The following SLC39A3 variants were observed in gnomAD, a reference collection of about 807,000 sequenced individuals.
SLC39A3 encodes the protein solute carrier family 39 member 3.
SLC39A3 carries 3 observed loss-of-function variants against 5.1 expected under a neutral mutation model. The observed-to-expected ratio is 0.59, with a 90% CI of 0.27 to 1.54. SLC39A3 has a LOEUF of 1.54. Among genes scored for constraint, SLC39A3 ranks in the 40% most tolerant of loss-of-function variants. The pLI, the probability that SLC39A3 is intolerant of heterozygous loss-of-function variation, is 0.12. For missense variants in SLC39A3, 412 were observed against 436.4 expected (o/e 0.94, Z 0.50); for synonymous variants, 250 against 218.8 (o/e 1.14, Z -1.26).
In SLC39A3 at chr19:2,735,250, C is replaced by T. The variant is rs1914324170; in HGVS notation, c.211-1765G>A. On this transcript the variant is annotated intron_variant, in intron 2 of 2. Transcript: ENST00000269740. The surrounding 1 kb of genome is among the most constrained non-coding windows in gnomAD (Gnocchi z 5.7). ...CGCAGTGCAGATGTCAGTCTTCACA[C>T]ACCGCGTAACGAACGAATGCAGACT... 1.0e-6 allele frequency: 1 copy of T among 982,918 alleles called. No homozygotes were observed. The highest frequency in any genetic ancestry group is 4.7e-5 in the South Asian group (1 of 21,252). The allele number at this position is 982,918 out of a possible 1,614,324, so 60.9% of individuals were successfully genotyped here.
chr19:2,739,757 C>T (rs1047941365), intron 1 of SLC39A3, among the ~76,000 whole-genome samples, 188 bp downstream of exon 1: 1 of 152,222 alleles, frequency 6.6e-6, no homozygotes, highest in African/African-American at 2.4e-5. Flanking sequence ...GGAGGCTGCT[C>T]GGGCCGGGAT....
rs541855668 is a variant in SLC39A3 at position 2,733,074 on chromosome 19, C to T, written c.622G>A (p.Glu208Lys). The change falls in exon 3 of 3, where the codon GAG becomes AAG. Residue 208 changes from glutamate to lysine, a missense_variant. Glu to Lys is a moderately conservative substitution (Grantham distance 56). Coordinates refer to ENST00000269740, the MANE Select transcript of SLC39A3 (RefSeq NM_144564.5). This position sits in a 1 kb window ranked among gnomAD's most constrained non-coding sequence, Gnocchi z 6.1. ...CCCAGGGCCACGGCCACCAGTGTCT[C>T]GTGGACGGCCACCCCCACGAACAGG... is the stretch of plus-strand genomic sequence containing the variant. Reference protein sequence around the residue: ...VSLFVGVAVHETLVAVALGIS... With the variant: ...VSLFVGVAVHKTLVAVALGIS... 9.0e-5 allele frequency: 145 copies of T among 1,610,476 alleles called. No individual in the cohort carries two copies. The highest frequency in any genetic ancestry group is 1.1e-4 in the Non-Finnish European group (133 of 1,178,836).
In SLC39A3 at chr19:2,733,960, C is replaced by T. The variant is rs1914276283; in HGVS notation, c.211-475G>A. Among the ~76,000 whole-genome samples, 1 of 152,200 alleles carries T rather than the reference C, an allele frequency of 6.6e-6. No homozygotes were observed. The highest frequency in any genetic ancestry group is 6.5e-5 in the Admixed American group (1 of 15,282). ...CGGCTCAAAATAAACACATAAAGAG[C>T]TGCACTGGCCTTGCGTGTTCTGCCG... On this transcript the variant is annotated intron_variant, in intron 2 of 2. Coordinates refer to ENST00000269740, the MANE Select transcript of SLC39A3 (RefSeq NM_144564.5). The surrounding 1 kb of genome is among the most constrained non-coding windows in gnomAD (Gnocchi z 6.1).
chr19:2,736,769 T>C, intron 2 of SLC39A3: 1 of 1,439,906 alleles, frequency 6.9e-7, no homozygotes, highest in South Asian at 1.5e-5. Context: ...GGACAGAGTG[T>C]GCCCTACCTA....
At chr19:2,738,199 C>CAAA (rs781639261) in intron 1 of SLC39A3, among the ~76,000 whole-genome samples, 6 of 50,890 alleles carry the variant, frequency 1.2e-4, no homozygotes, top group Non-Finnish European at 1.3e-4. Context: ...AACTCCATCT[C>CAAA]AAAAAAAAAA....
At chr19:2,737,422 C>CTTT in intron 1 of SLC39A3, 43 bp from the exon 2 acceptor site, 22 of 1,066,336 alleles carry the variant, frequency 2.1e-5, no homozygotes, top group Non-Finnish European at 2.5e-5. Flanking sequence ...TTTCTTTTTT[C>CTTT]TTTTTTTTTT....
chr19:2,735,837 C>T lies in SLC39A3; in HGVS notation c.210+1211G>A. On this transcript the variant is annotated intron_variant, in intron 2 of 2. Transcript: ENST00000269740. The surrounding 1 kb of genome is among the most constrained non-coding windows in gnomAD (Gnocchi z 5.7). ...CTGGAACTCTACTCTGCCACACTAA[C>T]AGGCTCAGATGATTTAATCCCAGAC... is the stretch of plus-strand genomic sequence containing the variant. The T allele has an allele frequency of 3.0e-6, 3 of 985,538 alleles. No individual in the cohort carries two copies. The highest frequency in any genetic ancestry group is 3.6e-6 in the Non-Finnish European group (3 of 830,028). 61.0% of individuals were successfully genotyped at this position (985,538 alleles called of 1,614,324 possible). A position where few individuals can be genotyped will look rare whatever the true frequency, so the allele number is the denominator to read the frequency against.
chr19:2,735,337 G>T lies in SLC39A3; in HGVS notation c.210+1711C>A. 1 of 420,632 alleles carries T rather than the reference G, an allele frequency of 2.4e-6. No individual in the cohort carries two copies. The highest frequency in any genetic ancestry group is 3.2e-6 in the Non-Finnish European group (1 of 313,672). The allele number at this position is 420,632 out of a possible 1,614,324, so 26.1% of individuals were successfully genotyped here. On this transcript the variant is annotated intron_variant, in intron 2 of 2. Coordinates refer to ENST00000269740, the MANE Select transcript of SLC39A3 (RefSeq NM_144564.5). This position sits in a 1 kb window ranked among gnomAD's most constrained non-coding sequence, Gnocchi z 5.7. The stretch of plus-strand genomic sequence containing the variant: ...TCTGAACGGTGGAAATCCAGGTGCG[G>T]GCTAGCTGGGCCCTACGCTCCAGGT...
chr19:2,733,420 C>T lies in SLC39A3; in HGVS notation c.276G>A (p.Leu92=), dbSNP rs761606467. ...TDYPLAETIL[L]LGFFMTVFLE... ...GGAAGACGGTCATGAAGAAGCCCAG[C>T]AGGAGGATGGTTTCGGCCAGCGGGT... is the stretch of plus-strand genomic sequence containing the variant. Residue 92 remains leucine (L), a synonymous_variant, in exon 3 of 3, where the codon CTG becomes CTA. Transcript: ENST00000269740. This position sits in a 1 kb window ranked among gnomAD's most constrained non-coding sequence, Gnocchi z 6.1. The T allele has an allele frequency of 6.2e-7, 1 of 1,613,020 alleles. No homozygotes were observed. Among genetic ancestry groups the T allele is most frequent in the Non-Finnish European group, 8.5e-7 (1 of 1,180,020 alleles).
In SLC39A3 at chr19:2,732,919, G is replaced by A. The variant is rs1914240144; in HGVS notation, c.777C>T (p.Ser259=). 4 of 1,610,728 alleles carry A rather than the reference G, an allele frequency of 2.5e-6. No homozygotes were observed. Among genetic ancestry groups the A allele is most frequent in the Middle Eastern group, 1.7e-4 (1 of 6,052 alleles). ...GGCCCTGCAGCAGCACGGACGCCAC[G>A]CTGCCCGGCACGCCCTGGGCGCTCT... ...GIESAQGVPG[S]VASVLLQGLA... is the part of the protein sequence containing the mutation. Residue 259 remains serine, a synonymous_variant, in exon 3 of 3, where the codon AGC becomes AGT. Coordinates refer to ENST00000269740, the MANE Select transcript of SLC39A3 (RefSeq NM_144564.5).
intron 2 of SLC39A3, chr19:2,736,290 A>C: frequency 1.5e-6 from 1 of 668,568 alleles, no homozygotes. Context: ...GCTTCTAACC[A>C]GCAGGACACT....
rs1349294146 is a variant in SLC39A3 at position 2,734,712 on chromosome 19, C to A, written c.211-1227G>T. ...TGACAACCACAATGTCCCCAGGCAT[C>A]GCCCAGTGTTCCCTGGGGGCAGTTC... On this transcript the variant is annotated intron_variant, in intron 2 of 2. Transcript: ENST00000269740. This position sits in a 1 kb window ranked among gnomAD's most constrained non-coding sequence, Gnocchi z 4.6. 5.1e-6 allele frequency: 5 copies of A among 984,122 alleles called. No homozygotes were observed. Among genetic ancestry groups the A allele is most frequent in the Non-Finnish European group, 6.0e-6 (5 of 828,790 alleles). The allele number at this position is 984,122 out of a possible 1,614,324, so 61.0% of individuals were successfully genotyped here.
chr19:2,735,777 G>A lies in SLC39A3; in HGVS notation c.210+1271C>T, dbSNP rs11539243. The A allele has an allele frequency of 0.01, 9,566 of 930,262 alleles. 56 individuals carry two copies. The highest frequency in any genetic ancestry group is 0.011 in the Non-Finnish European group (8,915 of 779,962). 57.6% of individuals were successfully genotyped at this position (930,262 alleles called of 1,614,324 possible). A position where few individuals can be genotyped will look rare whatever the true frequency, so the allele number is the denominator to read the frequency against. ...TCGAGGGGAGGGAAGAGCATGGGGC[G>A]TGCGGAGCAGGGGCTGGAAGCTCAG... On this transcript the variant is annotated intron_variant, in intron 2 of 2. Coordinates refer to ENST00000269740, the MANE Select transcript of SLC39A3 (RefSeq NM_144564.5). The surrounding 1 kb of genome is among the most constrained non-coding windows in gnomAD (Gnocchi z 5.7).
At position 2,737,094 on chromosome 19, in the gene SLC39A3, A is replaced by C. The variant is rs1399673317; in HGVS notation, c.164T>G (p.Phe55Cys). The C allele has an allele frequency of 6.2e-7, 1 of 1,614,176 alleles. No homozygotes were observed. The highest frequency in any genetic ancestry group is 8.5e-7 in the Non-Finnish European group (1 of 1,180,034). Residue 55 changes from phenylalanine (F) to cysteine (C), a missense_variant, in exon 2 of 3, where the codon TTT becomes TGT. Coordinates refer to ENST00000269740, the MANE Select transcript of SLC39A3 (RefSeq NM_144564.5). ...SLCNTFGGGVFLATCFNALLP... is the reference protein window; with the variant it reads ...SLCNTFGGGVCLATCFNALLP... ...CAGAGCGTTGAAGCACGTGGCCAGA[A>C]ACACCCCTCCTCCAAAGGTGTTGCA... is the stretch of plus-strand genomic sequence containing the variant.
intron 1 of SLC39A3, chr19:2,737,905 A>T (rs1352110131): frequency 1.3e-5 from 2 of 152,030 alleles, no homozygotes; most frequent in Admixed American, 6.6e-5. Context: ...CATCAAAATT[A>T]AAAAAAATCC....
chr19:2,733,172 A>T lies in SLC39A3; in HGVS notation c.524T>A (p.Phe175Tyr), dbSNP rs769971695. ...ASPVRLLSLA[F>Y]ALSAHSVFEG... ...AAAGACCGAGTGGGCCGACAGCGCGAAGGCCAGGCTGAGCAGGCGCACGGG... is the reference window on the plus strand; with the variant it reads ...AAAGACCGAGTGGGCCGACAGCGCGTAGGCCAGGCTGAGCAGGCGCACGGG... The change falls in exon 3 of 3, where the codon TTC becomes TAC. Residue 175 changes from phenylalanine to tyrosine, a missense_variant. Coordinates refer to ENST00000269740, the MANE Select transcript of SLC39A3 (RefSeq NM_144564.5). The surrounding 1 kb of genome is among the most constrained non-coding windows in gnomAD (Gnocchi z 6.1). 4 of 1,609,876 alleles carry T rather than the reference A, an allele frequency of 2.5e-6. No homozygotes were observed. The highest frequency in any genetic ancestry group is 1.7e-5 in the Admixed American group (1 of 59,616).
In SLC39A3 at chr19:2,734,982, G is replaced by T; in HGVS notation, c.211-1497C>A. ...GCCTGGCCCTGCAGTGGGTGAGGCTGGGGGCTCGGGAGTAGGGACCTCATC... is the reference window on the plus strand; with the variant it reads ...GCCTGGCCCTGCAGTGGGTGAGGCTTGGGGCTCGGGAGTAGGGACCTCATC... On this transcript the variant is annotated intron_variant, in intron 2 of 2. Coordinates refer to ENST00000269740, the MANE Select transcript of SLC39A3 (RefSeq NM_144564.5). This position sits in a 1 kb window ranked among gnomAD's most constrained non-coding sequence, Gnocchi z 4.6. 1.0e-6 allele frequency: 1 copy of T among 985,486 alleles called. No homozygotes were observed. The highest frequency in any genetic ancestry group is 1.2e-6 in the Non-Finnish European group (1 of 829,970). 61.0% of individuals were successfully genotyped at this position (985,486 alleles called of 1,614,324 possible). A position where few individuals can be genotyped will look rare whatever the true frequency, so the allele number is the denominator to read the frequency against.
At chr19:2,738,199 C>CAA (rs781639261) in intron 1 of SLC39A3, among the ~76,000 whole-genome samples, 30 of 50,832 alleles carry the variant, frequency 5.9e-4, no homozygotes, top group Non-Finnish European at 7.9e-4. Flanking sequence ...AACTCCATCT[C>CAA]AAAAAAAAAA....
chr19:2,733,247 G>A lies in SLC39A3; in HGVS notation c.449C>T (p.Pro150Leu), dbSNP rs1274714630. 2.5e-6 allele frequency: 4 copies of A among 1,610,118 alleles called. No individual in the cohort carries two copies. Among genetic ancestry groups the A allele is most frequent in the Non-Finnish European group, 3.4e-6 (4 of 1,178,272 alleles). ...GARGHALYVE[P>L]HGHGPSLSVQ... ...GCTCAGGCTGGGGCCGTGGCCGTGG[G>A]GCTCCACGTACAGCGCGTGGCCCCG... Residue 150 changes from proline to leucine, a missense_variant, in exon 3 of 3, where the codon CCC (proline) becomes CTC (leucine). Transcript: ENST00000269740. This position sits in a 1 kb window ranked among gnomAD's most constrained non-coding sequence, Gnocchi z 6.1.
Sources: allele counts gnomAD v4.1 joint callset (sites outside exome capture counted in the v4.1 genomes callset), GRCh38; gene constraint gnomAD v4.1.1; non-coding constraint Gnocchi (gnomAD v3.1); transcripts MANE v1.5; gene names NCBI Gene and HGNC (gene_info 2026-07-23, HGNC 2026-07-21).